The following TMC6 variants were observed in gnomAD, a reference collection of about 807,000 sequenced individuals.
TMC6 encodes the protein transmembrane channel like 6.
In TMC6, 71 loss-of-function variants were observed where a neutral mutation model predicts 95.4. The ratio of observed to expected loss-of-function variants is 0.74; its 90% CI spans 0.61 to 0.91. The LOEUF is 0.91. Ranked by LOEUF, TMC6 falls within the 40% of genes least tolerant of loss-of-function variation. The probability of loss-of-function intolerance (pLI) is 0.00; values close to 1 mark genes in which losing one functional copy is unlikely to be tolerated. For synonymous variants in TMC6, 514 were observed against 483.1 expected, an observed-to-expected ratio of 1.06 and a Z score of -0.84; for missense variants, 1,074 against 1,079.1, an observed-to-expected ratio of 1.00 and a Z score of 0.07.
chr17:78,123,616 G>A (rs993953885), intron 9 of TMC6, among the ~76,000 whole-genome samples: 27 of 149,174 alleles, frequency 1.8e-4, no homozygotes, highest in African/African-American at 6.0e-4. Context: ...TGGATGAATG[G>A]GTGGATGGGT....
chr17:78,122,309 C>T lies in TMC6; in HGVS notation c.1227+296G>A, dbSNP rs142821858. On this transcript the variant is annotated intron_variant, in intron 10 of 19. Coordinates refer to ENST00000590602, the MANE Select transcript of TMC6 (RefSeq NM_001127198.5). This position sits in a 1 kb window ranked among gnomAD's most constrained non-coding sequence, Gnocchi z 4.9. ...GCTAACGCCAGCCAGGGAGCATGTG[C>T]CAGCTGGGGCCTGAGGCCTCAGGGC... Among the ~76,000 whole-genome samples, 365 of 152,198 alleles carry T rather than the reference C, an allele frequency of 2.4e-3. No homozygotes were observed. Among genetic ancestry groups the T allele is most frequent in the Non-Finnish European group, 3.8e-3 (261 of 67,976 alleles).
Position 78,128,354 on chromosome 17 carries a change from T to A in TMC6, c.-75+258A>T, listed in dbSNP as rs917853429. Reference sequence around the variant, plus strand: ...CACACCCCCTCCCCTCCCCTCCCCGTGCCCTGGCGCTCGGCTGGGGGACCT... The same window carrying A: ...CACACCCCCTCCCCTCCCCTCCCCGAGCCCTGGCGCTCGGCTGGGGGACCT... On this transcript the variant is annotated intron_variant, in intron 1 of 19. Transcript: ENST00000590602. This position sits in a 1 kb window ranked among gnomAD's most constrained non-coding sequence, Gnocchi z 4.0. 6.7e-6 allele frequency among the ~76,000 whole-genome samples: 1 copy of A among 150,250 alleles called. No individual in the cohort carries two copies. The highest frequency in any genetic ancestry group is 6.6e-5 in the Admixed American group (1 of 15,152).
At chr17:78,118,012 G>T in intron 15 of TMC6, 77 bp from the exon 16 acceptor site, 2 of 1,550,570 alleles carry the variant, frequency 1.3e-6, no homozygotes, top group Non-Finnish European at 1.7e-6. Flanking sequence ...AGCTCAAGAG[G>T]GAAGGGCGAC....
chr17:78,120,266 T>A lies in TMC6; in HGVS notation c.1715+387A>T, dbSNP rs1012717099. ...CCTCCGCTTCCCAGGTTCAAGCGAT[T>A]CTCATGCCTCTGCCTCCCGAGTAGC... On this transcript the variant is annotated intron_variant, in intron 13 of 19. Transcript: ENST00000590602. 1.4e-5 allele frequency: 5 copies of A among 367,604 alleles called. No individual in the cohort carries two copies. The Admixed American group carries it at 1.8e-4, about 13-fold the overall frequency. 22.8% of individuals were successfully genotyped at this position (367,604 alleles called of 1,614,324 possible).
In TMC6 at chr17:78,108,809, T is replaced by G. The variant is rs992230825; in HGVS notation, c.*4339A>C. 3 of 152,222 alleles carry G rather than the reference T, an allele frequency of 2.0e-5. No homozygotes were observed. Among genetic ancestry groups the G allele is most frequent in the Non-Finnish European group, 4.4e-5 (3 of 68,034 alleles). 9.4% of individuals were successfully genotyped at this position (152,222 alleles called of 1,614,324 possible). A position where few individuals can be genotyped will look rare whatever the true frequency, so the allele number is the denominator to read the frequency against. On this transcript the variant is annotated 3_prime_UTR_variant, in exon 20 of 20. Transcript: ENST00000590602. ...ATATTTTTTTAAGTTTATTAAATTT[T>G]TTTTTAAATGGCAGTTTCAGACCTG...
In TMC6 at chr17:78,128,321, A is replaced by C. The variant is rs2145477471; in HGVS notation, c.-75+291T>G. On this transcript the variant is annotated intron_variant, in intron 1 of 19. Transcript: ENST00000590602. This position sits in a 1 kb window ranked among gnomAD's most constrained non-coding sequence, Gnocchi z 4.0. Reference sequence around the variant, plus strand: ...GCCTCCCTGTCCCCCGCCCCTTCCCATCCCGGCCACACCCCCTCCCCTCCC... The same window carrying C: ...GCCTCCCTGTCCCCCGCCCCTTCCCCTCCCGGCCACACCCCCTCCCCTCCC... 2.7e-5 allele frequency among the ~76,000 whole-genome samples: 4 copies of C among 146,330 alleles called. No homozygotes were observed. The highest frequency in any genetic ancestry group is 6.7e-5 in the Admixed American group (1 of 14,932).
chr17:78,129,004 A>G (rs2145499594), upstream of TMC6, among the ~76,000 whole-genome samples: 1 of 152,176 alleles, frequency 6.6e-6, no homozygotes, highest in East Asian at 1.9e-4. The surrounding 1 kb of genome is among the most constrained non-coding windows in gnomAD (Gnocchi z 4.3). Context: ...CCCAAGTTCC[A>G]AAAAGGGGCA....
intron 18 of TMC6, among the ~76,000 whole-genome samples, chr17:78,115,274 C>T (rs1203255061): frequency 6.6e-6 from 1 of 152,214 alleles, no homozygotes; most frequent in African/African-American, 2.4e-5. Flanking sequence ...CTGGCTGCAC[C>T]CCGCCCTGCC....
At chr17:78,114,237 C>T (rs2073939568) in intron 18 of TMC6, among the ~76,000 whole-genome samples, 3 of 152,176 alleles carry the variant, frequency 2.0e-5, no homozygotes, top group Admixed American at 1.3e-4. Context: ...TCAAAGCCAG[C>T]AGTGGCTGCT....
In TMC6 at chr17:78,122,415, G is replaced by T; in HGVS notation, c.1227+190C>A. ...GGCAGCCCCTAACTGATGGGTGTGT[G>T]CCAGAGAAAAACTCAGGGCCTGCCC... is the stretch of plus-strand genomic sequence containing the variant. On this transcript the variant is annotated intron_variant, in intron 10 of 19. Coordinates refer to ENST00000590602, the MANE Select transcript of TMC6 (RefSeq NM_001127198.5). This position sits in a 1 kb window ranked among gnomAD's most constrained non-coding sequence, Gnocchi z 4.9. The T allele has an allele frequency of 1.2e-6, 1 of 820,356 alleles. No individual in the cohort carries two copies. Among genetic ancestry groups the T allele is most frequent in the Non-Finnish European group, 1.9e-6 (1 of 534,878 alleles). 50.8% of individuals were successfully genotyped at this position (820,356 alleles called of 1,614,324 possible).
rs973044408 is a variant in TMC6, at chr17:78,107,741, G to A, written c.*5407C>T. The A allele has an allele frequency of 1.2e-4, 18 of 152,222 alleles. No individual in the cohort carries two copies. The highest frequency in any genetic ancestry group is 3.9e-4 in the African/African-American group (16 of 41,446). The allele number at this position is 152,222 out of a possible 1,614,324, so 9.4% of individuals were successfully genotyped here. A position where few individuals can be genotyped will look rare whatever the true frequency, so the allele number is the denominator to read the frequency against. On this transcript the variant is annotated 3_prime_UTR_variant, in exon 20 of 20. Coordinates refer to ENST00000590602, the MANE Select transcript of TMC6 (RefSeq NM_001127198.5). ...TGGCCCATCCAAGTCTGTTCATCTG[G>A]TAACTTCTGTTGTCTGGGACGGCAG...
In TMC6 at chr17:78,128,272, G is replaced by A. The variant is rs2074838461; in HGVS notation, c.-75+340C>T. Among the ~76,000 whole-genome samples, 1 of 152,066 alleles carries A rather than the reference G, an allele frequency of 6.6e-6. No homozygotes were observed. The highest frequency in any genetic ancestry group is 1.5e-5 in the Non-Finnish European group (1 of 67,990). On this transcript the variant is annotated intron_variant, in intron 1 of 19. Transcript: ENST00000590602. This position sits in a 1 kb window ranked among gnomAD's most constrained non-coding sequence, Gnocchi z 4.0. ...CAGAGCCCAGAGCGGCTGCAACTCT[G>A]GGGCCACCGAACCCGTCCAGCCGGC...
At chr17:78,132,225 G>T (rs1195828757), upstream of TMC6, 2 of 1,388,124 alleles carry the variant, frequency 1.4e-6, no homozygotes, top group South Asian at 2.5e-5. Flanking sequence ...GTGACTGTCA[G>T]CGGTACCTCC....
In TMC6 at chr17:78,112,794, C is replaced by T; in HGVS notation, c.*354G>A. On this transcript the variant is annotated 3_prime_UTR_variant, in exon 20 of 20. Coordinates refer to ENST00000590602, the MANE Select transcript of TMC6 (RefSeq NM_001127198.5). ...CAGCCCCTGCCATCTGGGGCTTGGC[C>T]AGCAGAGGGCGCCCCCACTCCAGCT... 2.6e-6 allele frequency: 1 copy of T among 381,962 alleles called. No homozygotes were observed. Among genetic ancestry groups the T allele is most frequent in the Admixed American group, 4.4e-5 (1 of 22,774 alleles). The allele number at this position is 381,962 out of a possible 1,614,324, so 23.7% of individuals were successfully genotyped here.
chr17:78,116,142 G>A (rs2008609), intron 18 of TMC6, among the ~76,000 whole-genome samples: 39,638 of 151,576 alleles, frequency 0.26, 5,698 homozygotes, highest in East Asian at 0.45. Context: ...ACGCCCAGCT[G>A]ATTTTTGTAC....
Position 78,109,104 on chromosome 17 carries a change from C to T in TMC6, c.*4044G>A. On this transcript the variant is annotated 3_prime_UTR_variant, in exon 20 of 20. Coordinates refer to ENST00000590602, the MANE Select transcript of TMC6 (RefSeq NM_001127198.5). ...TGGGAATACAGGCATGAGCCAGGTG[C>T]CCAGCCTTTGTTGTTGTTGTTGTTG... 6 of 257,710 alleles carry T rather than the reference C, an allele frequency of 2.3e-5. 2 individuals carry two copies. The South Asian group carries it at 2.5e-4, about 11-fold the overall frequency. 16.0% of individuals were successfully genotyped at this position (257,710 alleles called of 1,614,324 possible). A position where few individuals can be genotyped will look rare whatever the true frequency, so the allele number is the denominator to read the frequency against.
chr17:78,113,601 TAAG>T lies in TMC6; in HGVS notation c.2298_2300del (p.Phe766del), dbSNP rs754779916. The stretch of plus-strand genomic sequence containing the variant: ...CGTAGATGGAGTGAAGCTTGTTGAT[TAAG>T]AAGATTTTGTCCTCACCCTCCTAGA... On this transcript the variant is annotated inframe_deletion, in exon 19 of 20. Transcript: ENST00000590602. 3.1e-6 allele frequency: 5 copies of T among 1,613,844 alleles called. No homozygotes were observed. Among genetic ancestry groups the T allele is most frequent in the African/African-American group, 2.7e-5 (2 of 74,978 alleles).
chr17:78,123,515 G>A (rs1029813017), intron 9 of TMC6, among the ~76,000 whole-genome samples: 1 of 150,382 alleles, frequency 6.6e-6, no homozygotes, highest in Non-Finnish European at 1.5e-5. Flanking sequence ...TAAACTGAGT[G>A]GATGGATGGG....
intron 18 of TMC6, among the ~76,000 whole-genome samples, chr17:78,116,413 C>T (rs1046114782): frequency 4.6e-5 from 7 of 151,846 alleles, no homozygotes; most frequent in Non-Finnish European, 1.0e-4. Flanking sequence ...GCTGGGACTA[C>T]AGGTGCACAC....
Sources: allele counts gnomAD v4.1 joint callset (sites outside exome capture counted in the v4.1 genomes callset), GRCh38; gene constraint gnomAD v4.1.1; non-coding constraint Gnocchi (gnomAD v3.1); transcripts MANE v1.5; gene names NCBI Gene and HGNC (gene_info 2026-07-23, HGNC 2026-07-21).